SLC13A4: variants seen among roughly 807,000 people sequenced by gnomAD.
SLC13A4 encodes Na(+)/sulfate cotransporter SUT-1.
In SLC13A4, 28 loss-of-function variants were observed where a neutral mutation model predicts 72.7. The ratio of observed to expected loss-of-function variants is 0.39; its 90% CI spans 0.29 to 0.53. SLC13A4 has a LOEUF of 0.53. Among genes scored for constraint, SLC13A4 ranks in the 20% least tolerant of loss-of-function variants. The pLI, the probability that SLC13A4 is intolerant of heterozygous loss-of-function variation, is 0.78. For missense variants in SLC13A4, 653 were observed against 788.0 expected (o/e 0.83, Z 2.05); for synonymous variants, 312 against 325.5 (o/e 0.96, Z 0.45).
chr7:135,699,642 G>GT, intron 7 of SLC13A4, 94 bp from the exon 8 acceptor site: 1 of 1,133,672 alleles, frequency 8.8e-7, no homozygotes, highest in Non-Finnish European at 1.2e-6. Flanking sequence ...AGCGGAAAGG[G>GT]TTTGAGCTTG....
chr7:135,727,319 C>T, intron 1 of SLC13A4, 79 bp downstream of exon 1: 3 of 1,511,854 alleles, frequency 2.0e-6, no homozygotes, highest in Non-Finnish European at 2.7e-6. Context: ...GCCTGAGCGC[C>T]CCATGTTCCC....
chr7:135,681,783 C>T, intron 15 of SLC13A4, 83 bp from the exon 16 acceptor site: 1 of 1,549,482 alleles, frequency 6.5e-7, no homozygotes, highest in East Asian at 2.3e-5. Context: ...TTCCTGCAGC[C>T]TATGCCTTGT....
At chr7:135,714,026 G>C (rs1253970614) in intron 2 of SLC13A4, among the ~76,000 whole-genome samples, 3 of 152,256 alleles carry the variant, frequency 2.0e-5, no homozygotes, top group Admixed American at 6.5e-5. Flanking sequence ...CAAGCCAGCA[G>C]TGTCTCCTTT....
intron 2 of SLC13A4, among the ~76,000 whole-genome samples, chr7:135,709,645 C>T (rs115724548): frequency 6.4e-4 from 98 of 152,252 alleles, no homozygotes; most frequent in African/African-American, 2.2e-3. Context: ...AAAGATGTTT[C>T]GCATGTTTGA....
At chr7:135,716,807 C>G (rs1453454904) in intron 2 of SLC13A4, among the ~76,000 whole-genome samples, 2 of 152,202 alleles carry the variant, frequency 1.3e-5, no homozygotes, top group African/African-American at 4.8e-5. Flanking sequence ...AAAATAATAG[C>G]ACCTTCACGG....
intron 2 of SLC13A4, among the ~76,000 whole-genome samples, chr7:135,715,240 T>C (rs1796395167): frequency 1.3e-5 from 1 of 76,010 alleles, no homozygotes; most frequent in Admixed American, 1.3e-4. Context: ...TGTATGTGTG[T>C]ATGTGTATGT....
chr7:135,690,089 G>A (rs1795741994), intron 13 of SLC13A4, among the ~76,000 whole-genome samples: 1 of 145,944 alleles, frequency 6.9e-6, no homozygotes, highest in Non-Finnish European at 1.5e-5. Context: ...GCTGAGGCAT[G>A]AGAATTGCTT....
chr7:135,708,026 AT>A, intron 3 of SLC13A4, 87 bp downstream of exon 3: 2 of 1,513,414 alleles, frequency 1.3e-6, no homozygotes, highest in Non-Finnish European at 1.8e-6. Context: ...TGAAGTGGAC[AT>A]CCCGCAGTGA....
chr7:135,706,696 A>G (rs1183786264), intron 3 of SLC13A4, among the ~76,000 whole-genome samples: 2 of 152,172 alleles, frequency 1.3e-5, no homozygotes, highest in Admixed American at 1.3e-4. Flanking sequence ...CGCAGCCAGC[A>G]ATTCTGTGAG....
chr7:135,691,210 A>G lies in SLC13A4; in HGVS notation c.1437T>C (p.Ser479=), dbSNP rs367621519. 1.7e-5 allele frequency: 27 copies of G among 1,590,346 alleles called. No individual in the cohort carries two copies. The African/African-American group carries it at 3.0e-4, about 18-fold the overall frequency. ...ILVGGGYALA[S]GSKSSGLSTW... ...AGAATTCAAGAATTACCTTGCTACC[A>G]GAAGCCAGAGCATAGCCTCCCCCAA... is the stretch of plus-strand genomic sequence containing the variant. Residue 479 remains serine (S), a synonymous_variant, in exon 13 of 16, where the codon TCT becomes TCC. Transcript: ENST00000682651.
At chr7:135,721,617 A>T in intron 1 of SLC13A4, 94 bp from the exon 2 acceptor site, 2 of 1,517,552 alleles carry the variant, frequency 1.3e-6, no homozygotes, top group Non-Finnish European at 1.8e-6. Flanking sequence ...GCAGACTCAG[A>T]CTGTAACGCG....
rs1796061174 is a variant in SLC13A4 at position 135,702,516 on chromosome 7, C to T, written c.633+329G>A. The T allele has an allele frequency of 1.1e-5, 3 of 272,256 alleles. No homozygotes were observed. In the South Asian group the frequency reaches 1.3e-4, roughly 11 times the overall value. 16.9% of individuals were successfully genotyped at this position (272,256 alleles called of 1,614,324 possible). On this transcript the variant is annotated intron_variant, in intron 6 of 15. Coordinates refer to ENST00000682651, the MANE Select transcript of SLC13A4 (RefSeq NM_001318192.2). ...TCAGCCTCCCAAGTAGTGGGGATTA[C>T]CGGTGCCCATCACCACTCCCAGCTA...
At chr7:135,715,010 A>T in intron 2 of SLC13A4, among the ~76,000 whole-genome samples, 1 of 150,122 alleles carries the variant, frequency 6.7e-6, no homozygotes, top group East Asian at 2.0e-4. Context: ...GTGAGTGTGT[A>T]TTTGTGTATA....
intron 10 of SLC13A4, chr7:135,692,626 T>C: frequency 1.8e-6 from 1 of 555,006 alleles, no homozygotes. Context: ...ACCATGTTCC[T>C]GGAGAAACTT....
At position 135,706,185 on chromosome 7, in the gene SLC13A4, C is replaced by A; in HGVS notation, c.481G>T (p.Ala161Ser). The change falls in exon 4 of 16, where the codon GCT becomes TCT. Residue 161 changes from alanine to serine, a missense_variant. Coordinates refer to ENST00000682651, the MANE Select transcript of SLC13A4 (RefSeq NM_001318192.2). ...CCCGCCACGAGCTGCTCGTCCTCAGCACTGACCAGCTCCTGCAGCACGGCC... is the reference window on the plus strand; with the variant it reads ...CCCGCCACGAGCTGCTCGTCCTCAGAACTGACCAGCTCCTGCAGCACGGCC... ...VEAVLQELVS[A>S]EDEQLVAGNS... 1 of 1,613,894 alleles carries A rather than the reference C, an allele frequency of 6.2e-7. No homozygotes were observed. The highest frequency in any genetic ancestry group is 8.5e-7 in the Non-Finnish European group (1 of 1,179,780).
At chr7:135,696,489 C>T (rs1408848435) in intron 8 of SLC13A4, among the ~76,000 whole-genome samples, 1 of 152,080 alleles carries the variant, frequency 6.6e-6, no homozygotes, top group Non-Finnish European at 1.5e-5. Context: ...GCTGGGATTA[C>T]ATACAGGAGC....
chr7:135,721,530 G>A lies in SLC13A4; in HGVS notation c.100-7C>T. Reference sequence around the variant, plus strand: ...CGTAAGCACACGAGGCCTCCTGCAAGGCAAGGAAAGGGGCCGTCATTCACA... The same window carrying A: ...CGTAAGCACACGAGGCCTCCTGCAAAGCAAGGAAAGGGGCCGTCATTCACA... On this transcript the variant is annotated splice_region_variant and splice_polypyrimidine_tract_variant and intron_variant, in intron 1 of 15. Transcript: ENST00000682651. 6.2e-7 allele frequency: 1 copy of A among 1,613,734 alleles called. No individual in the cohort carries two copies. Among genetic ancestry groups the A allele is most frequent in the Non-Finnish European group, 8.5e-7 (1 of 1,179,750 alleles).
rs139112541 is a variant in SLC13A4, at chr7:135,685,440, C to T, written c.1608+82G>A. 798 of 1,249,412 alleles carry T rather than the reference C, an allele frequency of 6.4e-4. 4 individuals are homozygous for T. The Middle Eastern group carries it at 6.8e-3, about 11-fold the overall frequency. 77.4% of individuals were successfully genotyped at this position (1,249,412 alleles called of 1,614,324 possible). ...GTAACCAGAGGAGAGCCTACAGCTACGGAAGCTGCCCTGAGCCAGGCCTGC... is the reference window on the plus strand; with the variant it reads ...GTAACCAGAGGAGAGCCTACAGCTATGGAAGCTGCCCTGAGCCAGGCCTGC... On this transcript the variant is annotated intron_variant, in intron 14 of 15. Coordinates refer to ENST00000682651, the MANE Select transcript of SLC13A4 (RefSeq NM_001318192.2).
In SLC13A4 at chr7:135,692,382, G is replaced by A. The variant is rs191462278; in HGVS notation, c.1164C>T (p.Thr388=). The A allele has an allele frequency of 4.3e-6, 7 of 1,613,576 alleles. No individual in the cohort carries two copies. Among genetic ancestry groups the A allele is most frequent in the Admixed American group, 1.7e-5 (1 of 59,888 alleles). Residue 388 remains threonine (T), a synonymous_variant, in exon 11 of 16, where the codon ACC becomes ACT. Coordinates refer to ENST00000682651, the MANE Select transcript of SLC13A4 (RefSeq NM_001318192.2). ...MVTGFFFILM[T]VLWFTREPGF... ...CAGGCTCCCGGGTAAACCACAGTACGGTCATCAGGATGAAGAAAAATCCAG... is the reference window on the plus strand; with the variant it reads ...CAGGCTCCCGGGTAAACCACAGTACAGTCATCAGGATGAAGAAAAATCCAG...
Sources: allele counts gnomAD v4.1 joint callset (sites outside exome capture counted in the v4.1 genomes callset), GRCh38; gene constraint gnomAD v4.1.1; transcripts MANE v1.5; gene names NCBI Gene and HGNC (gene_info 2026-07-23, HGNC 2026-07-21).